The following LIPK variants were observed in gnomAD, a reference collection of about 807,000 sequenced individuals.
LIPK encodes lipase member K.
A neutral mutation model predicts 48.6 loss-of-function variants in LIPK; 32 were observed. The ratio of observed to expected loss-of-function variants is 0.66; its 90% CI spans 0.50 to 0.88. LIPK has a LOEUF of 0.88. Ranked by LOEUF, LIPK falls within the 40% of genes least tolerant of loss-of-function variation. The pLI, the probability that LIPK is intolerant of heterozygous loss-of-function variation, is 0.00. For missense variants in LIPK, 507 were observed against 478.5 expected (o/e 1.06, Z -0.56); for synonymous variants, 164 against 157.4 (o/e 1.04, Z -0.32).
intron 8 of LIPK, among the ~76,000 whole-genome samples, chr10:88,741,598 A>G (rs1180077002): frequency 6.6e-6 from 1 of 152,174 alleles, no homozygotes; most frequent in Non-Finnish European, 1.5e-5. Context: ...AGTCCTCTTC[A>G]GGATAGAAAT....
chr10:88,738,057 G>A (rs1268286877), intron 7 of LIPK, among the ~76,000 whole-genome samples: 2 of 152,180 alleles, frequency 1.3e-5, no homozygotes, highest in Non-Finnish European at 2.9e-5. Flanking sequence ...ATCTTGCTGT[G>A]CCTACGCCTT....
intron 9 of LIPK, among the ~76,000 whole-genome samples, chr10:88,746,521 G>C (rs1344479809): frequency 3.3e-5 from 5 of 152,030 alleles, no homozygotes; most frequent in African/African-American, 1.2e-4. Context: ...AATGACTTTT[G>C]GGTAAATAAT....
chr10:88,747,376 C>T (rs1842784177), intron 9 of LIPK, among the ~76,000 whole-genome samples: 1 of 152,274 alleles, frequency 6.6e-6, no homozygotes, highest in Admixed American at 6.5e-5. Context: ...CAGTGAAATA[C>T]TAGTGAACCT....
At chr10:88,751,032 T>A (rs1191852010) in intron 9 of LIPK, among the ~76,000 whole-genome samples, 1 of 152,236 alleles carries the variant, frequency 6.6e-6, no homozygotes, top group Non-Finnish European at 1.5e-5. Flanking sequence ...AGCCACTTTT[T>A]AAATACCATT....
Position 88,732,288 on chromosome 10 carries a change from G to A in LIPK, c.532+1G>A, listed in dbSNP as rs773677755. On this transcript the variant is annotated splice_donor_variant, in intron 5 of 9. Coordinates refer to ENST00000404190, the MANE Select transcript of LIPK (RefSeq NM_001080518.2). LOFTEE classifies it high-confidence loss of function. ...GGCCACTCACAAGGCACCACCATAG[G>A]TGTGTTTGGGGCAGATGTGATCAGA... 39 of 1,612,260 alleles carry A rather than the reference G, an allele frequency of 2.4e-5. No individual in the cohort carries two copies. The highest frequency in any genetic ancestry group is 3.3e-4 in the Middle Eastern group (2 of 6,078).
chr10:88,740,847 C>T (rs1842668104), intron 8 of LIPK, among the ~76,000 whole-genome samples: 1 of 151,992 alleles, frequency 6.6e-6, no homozygotes, highest in Admixed American at 6.5e-5. Flanking sequence ...AATATATATC[C>T]TACTAAATTT....
chr10:88,747,690 A>G (rs531173467), intron 9 of LIPK, among the ~76,000 whole-genome samples: 1 of 152,212 alleles, frequency 6.6e-6, no homozygotes, highest in Non-Finnish European at 1.5e-5. Flanking sequence ...AGAAATGAAA[A>G]TCAAAACCAC....
intron 9 of LIPK, among the ~76,000 whole-genome samples, chr10:88,744,206 A>G (rs1424634561): frequency 6.6e-6 from 1 of 152,246 alleles, no homozygotes; most frequent in East Asian, 1.9e-4. Flanking sequence ...ATGCCCAACC[A>G]GAGTGCCTCC....
intron 6 of LIPK, among the ~76,000 whole-genome samples, chr10:88,732,776 T>A (rs185435073): frequency 1.4e-4 from 22 of 152,362 alleles, no homozygotes; most frequent in African/African-American, 5.0e-4. Context: ...TAGAAACGTG[T>A]CTGCTGCGCC....
At chr10:88,710,667 C>T (rs1197521591) in intron 1 of LIPK, among the ~76,000 whole-genome samples, 2 of 152,066 alleles carry the variant, frequency 1.3e-5, no homozygotes, top group African/African-American at 2.4e-5. Context: ...TTGAATGTGT[C>T]GATGAGTAGT....
intron 9 of LIPK, among the ~76,000 whole-genome samples, chr10:88,750,853 G>T (rs1842851164): frequency 6.6e-6 from 1 of 152,028 alleles, no homozygotes; most frequent in East Asian, 1.9e-4. Context: ...CAGGTTTCCT[G>T]GATTTAAAGT....
intron 9 of LIPK, among the ~76,000 whole-genome samples, chr10:88,747,986 A>C (rs540296989): frequency 6.6e-6 from 1 of 152,202 alleles, no homozygotes; most frequent in East Asian, 1.9e-4. Context: ...TGTTTACAAT[A>C]ACAAAGACAT....
At chr10:88,743,384 C>T in intron 9 of LIPK, 63 bp downstream of exon 9, 1 of 1,205,780 alleles carries the variant, frequency 8.3e-7, no homozygotes, top group Non-Finnish European at 1.2e-6. Flanking sequence ...ATAGTGTCTA[C>T]TCATGAAGCA....
At chr10:88,716,463 T>C (rs564013031) in intron 1 of LIPK, among the ~76,000 whole-genome samples, 3 of 63,104 alleles carry the variant, frequency 4.8e-5, no homozygotes, top group Non-Finnish European at 7.7e-5. Flanking sequence ...GTTCAAGTGA[T>C]TCTCCTGCCT....
In LIPK at chr10:88,752,672, T is replaced by G. The variant is rs1295806339; in HGVS notation, c.1116T>G (p.His372Gln). 1.9e-6 allele frequency: 3 copies of G among 1,577,628 alleles called. No homozygotes were observed. The highest frequency in any genetic ancestry group is 2.6e-6 in the Non-Finnish European group (3 of 1,159,658). Reference sequence around the variant, plus strand: ...ACAAGCTGATTCCACACTACAATCATGTGGATTTTTACCTTGGAGAGGATG... The same window carrying G: ...ACAAGCTGATTCCACACTACAATCAGGTGGATTTTTACCTTGGAGAGGATG... ...IYYKLIPHYN[H>Q]VDFYLGEDAP... Residue 372 changes from histidine to glutamine, a missense_variant, in exon 10 of 10, where the codon CAT becomes CAG. Transcript: ENST00000404190.
intron 3 of LIPK, chr10:88,728,004 G>T: frequency 2.7e-6 from 1 of 367,196 alleles, no homozygotes. Context: ...TGAAGGTGGA[G>T]GTGGAGCTTG....
chr10:88,743,099 T>C, intron 8 of LIPK, 151 bp from the exon 9 acceptor site: 1 of 535,208 alleles, frequency 1.9e-6, no homozygotes, highest in East Asian at 2.9e-5. Context: ...TTTATCATTT[T>C]TATTACTTAT....
chr10:88,751,041 T>C (rs1476184883), intron 9 of LIPK, among the ~76,000 whole-genome samples: 1 of 152,214 alleles, frequency 6.6e-6, no homozygotes, highest in African/African-American at 2.4e-5. Context: ...TTAAATACCA[T>C]TATATGGATC....
chr10:88,737,676 T>G lies in LIPK; in HGVS notation c.711T>G (p.Phe237Leu), dbSNP rs766373389. 15 of 1,613,948 alleles carry G rather than the reference T, an allele frequency of 9.3e-6. No homozygotes were observed. The African/African-American group carries it at 1.3e-4, about 14-fold the overall frequency. ...AAATGTTCCACCCTCATACATTGTTTGACCAATTCATTGCCACCAAAGTGT... is the reference window on the plus strand; with the variant it reads ...AAATGTTCCACCCTCATACATTGTTGGACCAATTCATTGCCACCAAAGTGT... ...GDKMFHPHTL[F>L]DQFIATKVCN... Residue 237 changes from phenylalanine to leucine, a missense_variant, in exon 7 of 10, where the codon TTT becomes TTG. Transcript: ENST00000404190.
Sources: gnomAD v4.1 joint callset for allele counts (sites outside exome capture counted in the v4.1 genomes callset) on GRCh38, gnomAD v4.1.1 for gene constraint, MANE v1.5 for transcripts, NCBI Gene and HGNC (gene_info 2026-07-23, HGNC 2026-07-21) for gene names.